The following AHCTF1 variants were observed in gnomAD, a reference collection of about 807,000 sequenced individuals.
AHCTF1 encodes the protein AT-hook containing transcription factor 1, also known as protein ELYS.
In AHCTF1, 24 loss-of-function variants were observed where a neutral mutation model predicts 248.4. The ratio of observed to expected loss-of-function variants is 0.10; its 90% confidence interval spans 0.07 to 0.14. The LOEUF (loss-of-function observed/expected upper bound fraction) is 0.14, where lower values mean the gene tolerates loss of function less well. Ranked by LOEUF, AHCTF1 falls within the 10% of genes least tolerant of loss-of-function variation. The pLI is 1.00. For missense variants in AHCTF1, 2,206 were observed against 2,636.2 expected (o/e 0.84, Z 3.57); for synonymous variants, 786 against 929.8 (o/e 0.85, Z 2.81).
chr1:246,927,957 G>A (rs531119756), intron 1 of AHCTF1, among the ~76,000 whole-genome samples: 4 of 152,178 alleles, frequency 2.6e-5, no homozygotes, highest in South Asian at 2.1e-4. Flanking sequence ...CCAAGATCAC[G>A]CCACTGCACT....
chr1:246,926,393 G>A (rs1443659739), intron 1 of AHCTF1, among the ~76,000 whole-genome samples: 1 of 152,144 alleles, frequency 6.6e-6, no homozygotes, highest in Admixed American at 6.5e-5. Flanking sequence ...TTCTAGAAAA[G>A]AGGAGTACTT....
In AHCTF1 at chr1:246,853,174, C is replaced by T. The variant is rs1236637843; in HGVS notation, c.4480G>A (p.Val1494Ile). The T allele has an allele frequency of 5.0e-6, 8 of 1,612,792 alleles. No homozygotes were observed. Among genetic ancestry groups the T allele is most frequent in the Non-Finnish European group, 6.8e-6 (8 of 1,179,212 alleles). ...TCAACACTTTCTTTTAGTACACCAACTTCTACTTCATGATCTTCTTTTAAG... is the reference window on the plus strand; with the variant it reads ...TCAACACTTTCTTTTAGTACACCAATTTCTACTTCATGATCTTCTTTTAAG... ...LNLKEDHEVE[V>I]GVLKESVDLP... Residue 1494 changes from valine to isoleucine, a missense_variant, in exon 32 of 36, where the codon GTT becomes ATT. Around this residue, in one of 6 missense-constraint regions of AHCTF1, gnomAD observed 955 missense variants for 1,055.6 expected, o/e 0.90. Transcript: ENST00000648844.
chr1:246,868,953 T>A (rs1364036782), intron 24 of AHCTF1, among the ~76,000 whole-genome samples: 2 of 151,168 alleles, frequency 1.3e-5, no homozygotes, highest in Non-Finnish European at 2.9e-5. Flanking sequence ...CACGCCATTC[T>A]CCTGCCTCAG....
In AHCTF1 at chr1:246,885,655, G is replaced by C. The variant is rs762073550; in HGVS notation, c.2498C>G (p.Pro833Arg). ...YESGLDLLFHPATAKPLSWQH... is the reference protein window; with the variant it reads ...YESGLDLLFHRATAKPLSWQH... Reference sequence around the variant, plus strand: ...CCATGACAAAGGTTTTGCAGTAGCTGGATGAAACAAAAGATCCAAACCACT... The same window carrying C: ...CCATGACAAAGGTTTTGCAGTAGCTCGATGAAACAAAAGATCCAAACCACT... Residue 833 changes from proline to arginine, a missense_variant, in exon 21 of 36, where the codon CCA becomes CGA. By Grantham distance (103) the Pro-to-Arg change is moderately radical. Around this residue, in one of 6 missense-constraint regions of AHCTF1, gnomAD observed 650 missense variants for 870.8 expected, o/e 0.75. Coordinates refer to ENST00000648844, the MANE Select transcript of AHCTF1 (RefSeq NM_001323342.2). 18 of 1,610,608 alleles carry C rather than the reference G, an allele frequency of 1.1e-5. No individual in the cohort carries two copies. The highest frequency in any genetic ancestry group is 1.1e-5 in the Non-Finnish European group (13 of 1,178,160).
intron 21 of AHCTF1, 91 bp from the exon 22 acceptor site, chr1:246,877,393 T>C: frequency 7.5e-7 from 1 of 1,326,260 alleles, no homozygotes; most frequent in East Asian, 2.5e-5. Context: ...CAAAGATACT[T>C]TGTAAAGTAT....
intron 26 of AHCTF1, 52 bp from the exon 27 acceptor site, chr1:246,864,168 T>C (rs771813404): frequency 1.3e-6 from 2 of 1,546,326 alleles, no homozygotes; most frequent in African/African-American, 2.8e-5. Context: ...CAAAAGAATT[T>C]AGTATCCCAT....
At chr1:246,868,845 T>C (rs989991485) in intron 24 of AHCTF1, among the ~76,000 whole-genome samples, 4 of 105,304 alleles carry the variant, frequency 3.8e-5, no homozygotes, top group Non-Finnish European at 6.8e-5. Context: ...GTGTGTTTTT[T>C]GTTTTTTTTT....
chr1:246,926,747 T>C (rs997517119), intron 1 of AHCTF1, among the ~76,000 whole-genome samples: 3 of 151,832 alleles, frequency 2.0e-5, no homozygotes, highest in Non-Finnish European at 4.4e-5. Context: ...CCCAGCTACT[T>C]TGGGAGGCTG....
intron 24 of AHCTF1, among the ~76,000 whole-genome samples, chr1:246,875,514 T>C (rs1225522926): frequency 6.6e-6 from 1 of 152,222 alleles, no homozygotes; most frequent in Non-Finnish European, 1.5e-5. Context: ...AGAAGTTCTA[T>C]GGCTAAAATG....
At chr1:246,861,375 T>C (rs1661538546) in intron 28 of AHCTF1, 80 bp from the exon 29 acceptor site, 5 of 1,226,860 alleles carry the variant, frequency 4.1e-6, no homozygotes, top group Non-Finnish European at 5.6e-6. Context: ...ATCCCAATCA[T>C]ACCCATACTT....
chr1:246,891,003 T>C lies in AHCTF1; in HGVS notation c.2003A>G (p.Gln668Arg), dbSNP rs1664174947. 6.4e-7 allele frequency: 1 copy of C among 1,560,482 alleles called. No homozygotes were observed. Among genetic ancestry groups the C allele is most frequent in the Non-Finnish European group, 8.6e-7 (1 of 1,159,582 alleles). ...VVSHLICQYAQVVLWFSHSGL... is the reference protein window; with the variant it reads ...VVSHLICQYARVVLWFSHSGL... ...AGAATGAGAGAACCAAAGAACCACTTGTGCATACTGACAGATGAGGTGGGA... is the reference window on the plus strand; with the variant it reads ...AGAATGAGAGAACCAAAGAACCACTCGTGCATACTGACAGATGAGGTGGGA... The change falls in exon 16 of 36, where the codon CAA becomes CGA. Residue 668 changes from glutamine (Q) to arginine (R), a missense_variant. This residue lies in a region of AHCTF1 where 650 missense variants were observed against 870.8 expected (regional missense o/e 0.75). Coordinates refer to ENST00000648844, the MANE Select transcript of AHCTF1 (RefSeq NM_001323342.2).
At chr1:246,901,038 T>A (rs149419984) in intron 8 of AHCTF1, among the ~76,000 whole-genome samples, 1 of 151,902 alleles carries the variant, frequency 6.6e-6, no homozygotes, top group Non-Finnish European at 1.5e-5. Flanking sequence ...ATAGGAAGAA[T>A]GGGGAATAAG....
intron 27 of AHCTF1, among the ~76,000 whole-genome samples, chr1:246,863,608 A>G (rs928521180): frequency 3.3e-5 from 5 of 152,232 alleles, no homozygotes; most frequent in African/African-American, 9.6e-5. Context: ...CAGCATAATG[A>G]TATCAGAAAT....
chr1:246,868,482 G>A (rs745724348), intron 24 of AHCTF1, among the ~76,000 whole-genome samples: 16 of 151,520 alleles, frequency 1.1e-4, no homozygotes, highest in Admixed American at 6.6e-5. Flanking sequence ...CTCAAACTCC[G>A]GGCCTCAAGT....
At chr1:246,844,898 G>A (rs994000774) in intron 33 of AHCTF1, among the ~76,000 whole-genome samples, 17 of 151,432 alleles carry the variant, frequency 1.1e-4, no homozygotes, top group African/African-American at 3.2e-4. Flanking sequence ...CCAGTCTGCC[G>A]GAGTAAATCC....
intron 31 of AHCTF1, among the ~76,000 whole-genome samples, chr1:246,853,958 C>CAAAT (rs1201654319): frequency 6.6e-6 from 1 of 152,028 alleles, no homozygotes; most frequent in African/African-American, 2.4e-5. Context: ...GGCTTCTCAT[C>CAAAT]AAATACATAA....
chr1:246,858,732 G>C (rs1485703010), intron 29 of AHCTF1, among the ~76,000 whole-genome samples: 1 of 150,954 alleles, frequency 6.6e-6, no homozygotes, highest in Non-Finnish European at 1.5e-5. Context: ...GGCTGAGGCA[G>C]AGGTTGCGGT....
chr1:246,856,138 T>C (rs1477141447), intron 30 of AHCTF1, among the ~76,000 whole-genome samples: 1 of 152,226 alleles, frequency 6.6e-6, no homozygotes, highest in African/African-American at 2.4e-5. Flanking sequence ...TAATAATCTG[T>C]GGCCAGTCTT....
Position 246,903,955 on chromosome 1 carries a change from T to C in AHCTF1, c.960A>G (p.Leu320=), listed in dbSNP as rs756247847. ...NRKCLASGQI[L]YEGLEYCEER... The stretch of plus-strand genomic sequence containing the variant: ...TAGTCCAATGACCATTTACCTCATA[T>C]AAGATTTGTCCTGATGCCAAACACT... The change falls in exon 7 of 36, where the codon TTA becomes TTG. Residue 320 remains leucine (L), a synonymous_variant. Coordinates refer to ENST00000648844, the MANE Select transcript of AHCTF1 (RefSeq NM_001323342.2). The C allele has an allele frequency of 1.2e-6, 2 of 1,613,398 alleles. No individual in the cohort carries two copies. The highest frequency in any genetic ancestry group is 1.7e-6 in the Non-Finnish European group (2 of 1,179,464).
Sources: allele counts gnomAD v4.1 joint callset (sites outside exome capture counted in the v4.1 genomes callset), GRCh38; gene constraint gnomAD v4.1.1; regional missense constraint gnomAD v4.1.1; transcripts MANE v1.5; gene names NCBI Gene and HGNC (gene_info 2026-07-23, HGNC 2026-07-21).